Variants in AP3B2 observed in about 807,000 individuals in gnomAD.
AP3B2 encodes the protein AP-3 complex subunit beta-2.
A neutral mutation model predicts 126.9 loss-of-function variants in AP3B2; 50 were observed. The observed-to-expected ratio is 0.39, with a 90% CI of 0.31 to 0.50. The LOEUF (loss-of-function observed/expected upper bound fraction) is 0.50, where lower values mean the gene tolerates loss of function less well. Among genes scored for constraint, AP3B2 ranks in the 20% least tolerant of loss-of-function variants. AP3B2 has a pLI of 0.79. For synonymous variants in AP3B2, 541 were observed against 565.0 expected, an observed-to-expected ratio of 0.96 and a Z score of 0.60; for missense variants, 1,177 against 1,426.4, an observed-to-expected ratio of 0.83 and a Z score of 2.82.
At chr15:82,689,624 T>C in intron 1 of AP3B2, 171 bp from the exon 2 acceptor site, 1 of 612,464 alleles carries the variant, frequency 1.6e-6, no homozygotes, top group Non-Finnish European at 2.9e-6. Context: ...AGGGGAAACA[T>C]GTGGCCAGCT....
intron 1 of AP3B2, among the ~76,000 whole-genome samples, chr15:82,704,378 C>A (rs1007956851): frequency 6.6e-6 from 1 of 152,200 alleles, no homozygotes; most frequent in Non-Finnish European, 1.5e-5. Flanking sequence ...GTAAAGGCAG[C>A]CAAGTAGCAA....
intron 20 of AP3B2, 38 bp from the exon 21 acceptor site, chr15:82,663,658 G>A (rs773494405): frequency 6.2e-7 from 1 of 1,613,502 alleles, no homozygotes; most frequent in South Asian, 1.1e-5. Flanking sequence ...TGGGGAAGGG[G>A]AGCACCTTGG....
In AP3B2 at chr15:82,680,351, G is replaced by C; in HGVS notation, c.1055+121C>G. The C allele has an allele frequency of 6.6e-7, 1 of 1,514,782 alleles. No homozygotes were observed. The highest frequency in any genetic ancestry group is 1.4e-5 in the African/African-American group (1 of 73,212). 93.8% of individuals were successfully genotyped at this position (1,514,782 alleles called of 1,614,324 possible). ...GACCAGTGCGGAGGGCAGGACTACGGTCAGTGTGGAGCGGGTGGGCAGAGG... is the reference window on the plus strand; with the variant it reads ...GACCAGTGCGGAGGGCAGGACTACGCTCAGTGTGGAGCGGGTGGGCAGAGG... On this transcript the variant is annotated intron_variant, in intron 8 of 26. Transcript: ENST00000535359. This position sits in a 1 kb window ranked among gnomAD's most constrained non-coding sequence, Gnocchi z 6.1.
Position 82,681,627 on chromosome 15 carries a change from C to T in AP3B2, c.361-47G>A. 6.3e-7 allele frequency: 1 copy of T among 1,590,618 alleles called. No individual in the cohort carries two copies. Among genetic ancestry groups the T allele is most frequent in the Non-Finnish European group, 8.5e-7 (1 of 1,169,846 alleles). On this transcript the variant is annotated intron_variant, in intron 4 of 26. Coordinates refer to ENST00000535359, the MANE Select transcript of AP3B2 (RefSeq NM_001278512.2). This position sits in a 1 kb window ranked among gnomAD's most constrained non-coding sequence, Gnocchi z 4.0. Reference sequence around the variant, plus strand: ...GAGCTATGAAAGGGCACCAGGTGCCCTGATGGGGGGAGGCCACACCTTTGG... The same window carrying T: ...GAGCTATGAAAGGGCACCAGGTGCCTTGATGGGGGGAGGCCACACCTTTGG...
chr15:82,667,025 G>T, intron 14 of AP3B2, 92 bp from the exon 15 acceptor site: 1 of 1,319,322 alleles, frequency 7.6e-7, no homozygotes, highest in Non-Finnish European at 1.1e-6. Context: ...CTTTCAGGCA[G>T]AACGTCTCCT....
At chr15:82,661,783 C>G in intron 25 of AP3B2, 42 bp downstream of exon 25, 1 of 1,526,060 alleles carries the variant, frequency 6.6e-7, no homozygotes, top group South Asian at 1.2e-5. Context: ...CTGGAGTCAG[C>G]TTCTATACTT....
intron 4 of AP3B2, among the ~76,000 whole-genome samples, chr15:82,684,022 T>C (rs1198929900): frequency 6.6e-6 from 1 of 152,234 alleles, no homozygotes; most frequent in African/African-American, 2.4e-5. Context: ...GTTCCATTTA[T>C]AGAGCACAGG....
At position 82,663,196 on chromosome 15, in the gene AP3B2, T is replaced by C. The variant is rs746914195; in HGVS notation, c.2535A>G (p.Ala845=). 1 of 1,612,946 alleles carries C rather than the reference T, an allele frequency of 6.2e-7. No homozygotes were observed. The highest frequency in any genetic ancestry group is 2.2e-5 in the East Asian group (1 of 44,862). The part of the protein sequence containing the change: ...PPSVQPVSPP[A]IVSTSLAADL... ...CAGCAGCCAGACTGGTAGACACAAT[T>C]GCTGGGGGAGACACAGGCTGGACAC... Residue 845 remains alanine, a synonymous_variant, in exon 22 of 27, where the codon GCA becomes GCG. Transcript: ENST00000535359.
At chr15:82,700,217 C>T (rs914379621) in intron 1 of AP3B2, among the ~76,000 whole-genome samples, 1 of 151,834 alleles carries the variant, frequency 6.6e-6, no homozygotes, top group Admixed American at 6.6e-5. Context: ...CATCTTAATC[C>T]TCACCTGCCT....
chr15:82,659,726 A>G lies in AP3B2; in HGVS notation c.3156-16T>C. 1 of 1,613,570 alleles carries G rather than the reference A, an allele frequency of 6.2e-7. No individual in the cohort carries two copies. Among genetic ancestry groups the G allele is most frequent in the Non-Finnish European group, 8.5e-7 (1 of 1,179,654 alleles). On this transcript the variant is annotated splice_polypyrimidine_tract_variant and intron_variant, in intron 26 of 26. Coordinates refer to ENST00000535359, the MANE Select transcript of AP3B2 (RefSeq NM_001278512.2). ...CCCTGCAAACCTGAGGTGGGAATAGAAGGGGTGAGGAAGAGCTGCTAAGGG... is the reference window on the plus strand; with the variant it reads ...CCCTGCAAACCTGAGGTGGGAATAGGAGGGGTGAGGAAGAGCTGCTAAGGG...
At chr15:82,700,397 C>CTGCTTTTTTTTTTTTTT in intron 1 of AP3B2, among the ~76,000 whole-genome samples, 1 of 35,086 alleles carries the variant, frequency 2.9e-5, no homozygotes, top group Admixed American at 5.4e-4. Flanking sequence ...TGGTGGGTGG[C>CTGCTTTTTTTTTTTTTT]TTTTTTTTTT....
intron 4 of AP3B2, among the ~76,000 whole-genome samples, chr15:82,682,811 G>A (rs1184472628): frequency 6.6e-6 from 1 of 151,968 alleles, no homozygotes; most frequent in Non-Finnish European, 1.5e-5. Flanking sequence ...TGTAGGCTGG[G>A]CGTGATGGCT....
At chr15:82,707,906 G>A (rs1028547044) in intron 1 of AP3B2, among the ~76,000 whole-genome samples, 1 of 152,106 alleles carries the variant, frequency 6.6e-6, no homozygotes, top group African/African-American at 2.4e-5. Flanking sequence ...GCTCGAAGCA[G>A]CCCTTCAAGG....
At chr15:82,673,212 T>C (rs2048187011) in intron 14 of AP3B2, among the ~76,000 whole-genome samples, 1 of 152,362 alleles carries the variant, frequency 6.6e-6, no homozygotes, top group Admixed American at 6.5e-5. Context: ...GAGGAAATTC[T>C]TTTTAATTTT....
At chr15:82,691,815 A>G in intron 1 of AP3B2, 1 of 1,432,034 alleles carries the variant, frequency 7.0e-7, no homozygotes, top group South Asian at 1.1e-5. Context: ...GACTGTGAGT[A>G]GCCATAGCTG....
intron 1 of AP3B2, among the ~76,000 whole-genome samples, chr15:82,708,339 G>A (rs951818008): frequency 3.3e-5 from 5 of 152,032 alleles, no homozygotes; most frequent in Non-Finnish European, 1.5e-5. Flanking sequence ...CTGCACCCAA[G>A]TGATTAAAAA....
chr15:82,707,102 C>T (rs914690872), intron 1 of AP3B2, among the ~76,000 whole-genome samples: 4 of 151,906 alleles, frequency 2.6e-5, no homozygotes, highest in Admixed American at 6.6e-5. Context: ...TTGGCCTTCC[C>T]GCCTCTATAT....
intron 13 of AP3B2, among the ~76,000 whole-genome samples, chr15:82,677,064 A>AAGTCCATC (rs1715862142): frequency 6.6e-6 from 1 of 152,194 alleles, no homozygotes; most frequent in Admixed American, 6.5e-5. Flanking sequence ...AGTAGTAGTA[A>AAGTCCATC]AGTCCATCGT....
intron 4 of AP3B2, chr15:82,688,026 TC>T (rs2048461162): frequency 6.1e-6 from 1 of 163,198 alleles, no homozygotes; most frequent in South Asian, 1.7e-4. Context: ...TCACCTGAGC[TC>T]AGGGAAGTCG....
Sources: gnomAD v4.1 joint callset for allele counts (sites outside exome capture counted in the v4.1 genomes callset) on GRCh38, gnomAD v4.1.1 for gene constraint, Gnocchi (gnomAD v3.1) non-coding constraint, MANE v1.5 for transcripts, NCBI Gene and HGNC (gene_info 2026-07-23, HGNC 2026-07-21) for gene names.